Variants in S100Z observed in about 807,000 individuals in gnomAD.
S100Z encodes protein S100-Z.
Under a neutral mutation model 8.5 loss-of-function variants are expected in S100Z, and 11 were observed. The ratio of observed to expected loss-of-function variants is 1.30; its 90% confidence interval spans 0.82 to 2.15. The LOEUF (loss-of-function observed/expected upper bound fraction) is 2.15, where lower values mean the gene tolerates loss of function less well. S100Z is among the 30% of genes most tolerant of loss of function. The probability of loss-of-function intolerance (pLI) is 0.00; values close to 1 mark genes in which losing one functional copy is unlikely to be tolerated. For missense variants in S100Z, 126 were observed against 117.9 expected (o/e 1.07, Z -0.32); for synonymous variants, 34 against 43.8 (o/e 0.78, Z 0.89).
the S100Z span, among the ~76,000 whole-genome samples, chr5:76,943,190 C>A: frequency 6.6e-6 from 1 of 152,068 alleles, no homozygotes; most frequent in Non-Finnish European, 1.5e-5. Flanking sequence ...ACATCTGGTA[C>A]CCAGACTGTG....
At chr5:76,926,550 T>C (rs943933581), downstream of S100Z, among the ~76,000 whole-genome samples, 8 of 152,116 alleles carry the variant, frequency 5.3e-5, no homozygotes, top group African/African-American at 1.7e-4. Context: ...GAAAGTCCTA[T>C]AGAGCCTGGT....
intron 4 of S100Z, among the ~76,000 whole-genome samples, chr5:76,896,471 C>T (rs919650129): frequency 1.3e-5 from 2 of 152,186 alleles, no homozygotes; most frequent in Non-Finnish European, 2.9e-5. Context: ...CAAATCTGAG[C>T]TGTTGTAAAC....
At chr5:76,889,447 T>C (rs1390193774) in intron 4 of S100Z, among the ~76,000 whole-genome samples, 2 of 152,230 alleles carry the variant, frequency 1.3e-5, no homozygotes, top group Non-Finnish European at 2.9e-5. Context: ...GATCTCGACA[T>C]TTCGCAGGGG....
At chr5:76,895,965 G>A (rs1156817770) in intron 4 of S100Z, among the ~76,000 whole-genome samples, 1 of 151,812 alleles carries the variant, frequency 6.6e-6, no homozygotes, top group East Asian at 1.9e-4. Context: ...GTTTCACCAT[G>A]TTGGCCAGGC....
chr5:76,913,524 G>C (rs1157864158), intron 4 of S100Z, among the ~76,000 whole-genome samples: 1 of 152,144 alleles, frequency 6.6e-6, no homozygotes, highest in Non-Finnish European at 1.5e-5. Flanking sequence ...AGTTAATATG[G>C]ACTGAACAAG....
Position 76,875,327 on chromosome 5 carries a change from C to T in S100Z, c.-33C>T, listed in dbSNP as rs1186263196. On this transcript the variant is annotated 5_prime_UTR_variant, in exon 3 of 5. Coordinates refer to ENST00000317593, the MANE Select transcript of S100Z (RefSeq NM_130772.4). ...AGTGTCTTCTCCCCGGGTTTGGTGG[C>T]CTGCTTCTGGAGTGGTCAGTTCTGC... is the stretch of plus-strand genomic sequence containing the variant. The T allele has an allele frequency of 2.5e-6, 4 of 1,581,880 alleles. No homozygotes were observed. The highest frequency in any genetic ancestry group is 1.9e-5 in the Admixed American group (1 of 52,828).
intron 3 of S100Z, among the ~76,000 whole-genome samples, chr5:76,876,128 T>C (rs1743184122): frequency 6.6e-6 from 1 of 152,206 alleles, no homozygotes; most frequent in African/African-American, 2.4e-5. Flanking sequence ...CACTTCACGC[T>C]GGTGTTTATA....
downstream of S100Z, among the ~76,000 whole-genome samples, chr5:76,922,589 G>C (rs1019900705): frequency 6.6e-6 from 1 of 151,640 alleles, no homozygotes; most frequent in African/African-American, 2.4e-5. Context: ...GCAGTGGCAC[G>C]ATCGGCTGAC....
intron 4 of S100Z, among the ~76,000 whole-genome samples, chr5:76,904,549 C>T (rs1744358237): frequency 6.6e-6 from 1 of 152,088 alleles, no homozygotes. Context: ...TAACTTGTTG[C>T]TTATTAAACA....
At chr5:76,850,333 GGGGAGAGA>G (rs1234538504) in intron 1 of S100Z, among the ~76,000 whole-genome samples, 178 bp downstream of exon 1, 1,384 of 122,564 alleles carry the variant, frequency 0.011, 16 homozygotes, top group African/African-American at 0.041. Flanking sequence ...CGGGGGGGTG[GGGGAGAGA>G]GAGAGAGAGA....
At chr5:76,922,475 T>A (rs1047026595), downstream of S100Z, among the ~76,000 whole-genome samples, 23 of 152,158 alleles carry the variant, frequency 1.5e-4, no homozygotes, top group Admixed American at 2.0e-4. Flanking sequence ...CCCTCCCACC[T>A]CCCAGGTTCA....
At chr5:76,878,183 T>G (rs1408923526) in intron 4 of S100Z, 2 of 159,236 alleles carry the variant, frequency 1.3e-5, no homozygotes, top group South Asian at 1.9e-4. Flanking sequence ...TTAAATTGTA[T>G]TTTGAACTTC....
chr5:76,950,916 T>C, the S100Z span, among the ~76,000 whole-genome samples: 6 of 152,348 alleles, frequency 3.9e-5, no homozygotes, highest in African/African-American at 1.4e-4. Context: ...TCACCTATTT[T>C]TAATACTTTC....
chr5:76,890,642 G>A (rs1057147743), intron 4 of S100Z, among the ~76,000 whole-genome samples: 4 of 151,840 alleles, frequency 2.6e-5, no homozygotes, highest in Admixed American at 2.0e-4. Context: ...AGTAAGACCC[G>A]GTCTCAAAAA....
At chr5:76,930,047 T>C in the S100Z span, among the ~76,000 whole-genome samples, 1 of 152,266 alleles carries the variant, frequency 6.6e-6, no homozygotes, top group Non-Finnish European at 1.5e-5. Flanking sequence ...GCTGCTGGTC[T>C]GATTTTCCTA....
rs75203094 is a variant in S100Z, at chr5:76,860,044, G to T, written c.-176+9889G>T. ...TTGGCAGAAATCAGTCTTGAATGAG[G>T]TATATCAGACAGGGCTCTTAATTGC... On this transcript the variant is annotated intron_variant, in intron 1 of 4. Transcript: ENST00000317593. Among the ~76,000 whole-genome samples the T allele has an allele frequency of 5.9e-5, 9 of 152,260 alleles. No individual in the cohort carries two copies. The East Asian group carries it at 1.7e-3, about 29-fold the overall frequency.
the S100Z span, among the ~76,000 whole-genome samples, chr5:76,933,891 C>T: frequency 1.3e-5 from 2 of 152,216 alleles, no homozygotes; most frequent in Non-Finnish European, 1.5e-5. Flanking sequence ...ACTTCCTATT[C>T]CTTCTTCCCC....
intron 4 of S100Z, among the ~76,000 whole-genome samples, chr5:76,892,749 G>A (rs1159373491): frequency 1.3e-5 from 2 of 152,180 alleles, no homozygotes; most frequent in Non-Finnish European, 2.9e-5. Context: ...CACATTTTAT[G>A]TGCTAAAAGG....
the S100Z span, among the ~76,000 whole-genome samples, chr5:76,933,810 A>G: frequency 0.023 from 3,557 of 152,298 alleles, 134 homozygotes; most frequent in African/African-American, 0.08. Context: ...ATGCTGTGGG[A>G]CAATCACCAC....
Sources: gnomAD v4.1 joint callset for allele counts (sites outside exome capture counted in the v4.1 genomes callset) on GRCh38, gnomAD v4.1.1 for gene constraint, MANE v1.5 for transcripts, NCBI Gene and HGNC (gene_info 2026-07-23, HGNC 2026-07-21) for gene names.